The following POLR3A variants were observed in gnomAD, a reference collection of about 807,000 sequenced individuals.
POLR3A encodes the protein DNA-directed RNA polymerase III subunit RPC1.
POLR3A carries 112 observed loss-of-function variants against 152.8 expected under a neutral mutation model. That is an observed-to-expected ratio of 0.73 (90% CI 0.63 to 0.86). The LOEUF is 0.86. Among genes scored for constraint, POLR3A ranks in the 40% least tolerant of loss-of-function variants. POLR3A has a pLI of 0.00. For synonymous variants in POLR3A, 615 were observed against 652.1 expected (o/e 0.94, Z 0.87); for missense variants, 1,385 against 1,743.1 (o/e 0.79, Z 3.66).
chr10:77,977,607 G>A lies in POLR3A; in HGVS notation c.4044C>T (p.Ile1348=), dbSNP rs1218624488. The change falls in exon 31 of 31, where the codon ATC becomes ATT. Residue 1348 remains isoleucine (I), a synonymous_variant. Transcript: ENST00000372371. ...DSVCGVSECI[I]MGIPMNIGTG... ...TTCCAATGTTCATTGGGATTCCCAT[G>A]ATGATGCACTCAGACACCCCTGAAA... 3.1e-6 allele frequency: 5 copies of A among 1,613,770 alleles called. No homozygotes were observed. The South Asian group carries it at 4.4e-5, about 14-fold the overall frequency.
In POLR3A at chr10:77,985,994, A is replaced by G. The variant is rs1441942428; in HGVS notation, c.2989-9T>C. ...TGGTACAGCACACGGGGCTGGGAGAATACAAGCCAAGCACAGAGTTAGGGC... is the reference window on the plus strand; with the variant it reads ...TGGTACAGCACACGGGGCTGGGAGAGTACAAGCCAAGCACAGAGTTAGGGC... On this transcript the variant is annotated splice_polypyrimidine_tract_variant and intron_variant, in intron 22 of 30. Coordinates refer to ENST00000372371, the MANE Select transcript of POLR3A (RefSeq NM_007055.4). 6.2e-7 allele frequency: 1 copy of G among 1,613,408 alleles called. No homozygotes were observed. Among genetic ancestry groups the G allele is most frequent in the Non-Finnish European group, 8.5e-7 (1 of 1,179,440 alleles).
In POLR3A at chr10:77,982,849, T is replaced by C. The variant is rs1847161332; in HGVS notation, c.3430-32A>G. 2.5e-6 allele frequency: 4 copies of C among 1,608,070 alleles called. No individual in the cohort carries two copies. The East Asian group carries it at 8.9e-5, about 36-fold the overall frequency. On this transcript the variant is annotated intron_variant, in intron 26 of 30. Coordinates refer to ENST00000372371, the MANE Select transcript of POLR3A (RefSeq NM_007055.4). ...CATGGCCAGGTGTAGGTGTTACTGA[T>C]TCCAGTGTTGTTCTTCGTTTATTTC...
At chr10:78,020,388 G>C (rs1222320828) in intron 8 of POLR3A, among the ~76,000 whole-genome samples, 2 of 151,970 alleles carry the variant, frequency 1.3e-5, no homozygotes, top group African/African-American at 4.8e-5. Flanking sequence ...TACTCGGGAG[G>C]CTGAGGCATA....
Position 77,982,165 on chromosome 10 carries a change from T to C in POLR3A, c.3748A>G (p.Asn1250Asp). ...GGGCTGAGTGGTACCTCATAGGTGT[T>C]ATTGGAGGTGGTTCGGGTGCCCTTC... ...GVKGTRTTSN[N>D]TYEVEKTLGI... is the part of the protein sequence containing the mutation. The change falls in exon 28 of 31, where the codon AAC becomes GAC. Residue 1250 changes from asparagine (N) to aspartate (D), a missense_variant. Physicochemically the swap from Asn to Asp is conservative, Grantham distance 23. Transcript: ENST00000372371. The C allele has an allele frequency of 6.2e-7, 1 of 1,613,684 alleles. No homozygotes were observed. The highest frequency in any genetic ancestry group is 2.2e-5 in the East Asian group (1 of 44,868).
intron 1 of POLR3A, 89 bp from the exon 2 acceptor site, chr10:78,026,318 C>T: frequency 1.5e-6 from 2 of 1,331,874 alleles, no homozygotes; most frequent in Admixed American, 1.8e-5. Flanking sequence ...ACCAACCTAT[C>T]CTTCCAACTG....
At chr10:78,006,634 G>T (rs1847414949) in intron 15 of POLR3A, among the ~76,000 whole-genome samples, 1 of 151,816 alleles carries the variant, frequency 6.6e-6, no homozygotes, top group Non-Finnish European at 1.5e-5. Flanking sequence ...AAAGAACAGA[G>T]AAAGTAAAAG....
Position 77,985,665 on chromosome 10 carries a change from C to T in POLR3A, c.3071+238G>A, listed in dbSNP as rs537389975. On this transcript the variant is annotated intron_variant, in intron 23 of 30. Transcript: ENST00000372371. ...ACAGAGCAGTGGCATCTGCCATATT[C>T]GTTAGCAGTTTCCCCATGGGGAGAA... Among the ~76,000 whole-genome samples, 254 of 152,342 alleles carry T rather than the reference C, an allele frequency of 1.7e-3. 1 individual carries two copies. Among genetic ancestry groups the T allele is most frequent in the African/African-American group, 5.6e-3 (234 of 41,592 alleles).
chr10:77,991,472 A>T (rs1422442484), intron 20 of POLR3A, among the ~76,000 whole-genome samples: 1 of 152,180 alleles, frequency 6.6e-6, no homozygotes, highest in Non-Finnish European at 1.5e-5. Flanking sequence ...CTGTTATTTA[A>T]AAAACTCAAA....
chr10:77,985,158 G>C lies in POLR3A; in HGVS notation c.3242+12C>G. On this transcript the variant is annotated intron_variant, in intron 24 of 30. Coordinates refer to ENST00000372371, the MANE Select transcript of POLR3A (RefSeq NM_007055.4). ...GGCATGTGTGGAACAAGAAGGAAAT[G>C]AAAGCAGGCACCTGATGGCCTTGGA... is the stretch of plus-strand genomic sequence containing the variant. The C allele has an allele frequency of 6.2e-7, 1 of 1,610,614 alleles. No homozygotes were observed. Among genetic ancestry groups the C allele is most frequent in the Non-Finnish European group, 8.5e-7 (1 of 1,176,710 alleles).
chr10:78,021,201 G>A (rs375282823), intron 8 of POLR3A, among the ~76,000 whole-genome samples: 4 of 152,124 alleles, frequency 2.6e-5, no homozygotes, highest in East Asian at 3.9e-4. Context: ...TCCCGGGCTC[G>A]GATGATCCAC....
rs1419710623 is a variant in POLR3A at position 78,017,730 on chromosome 10, A to C, written c.1290-14T>G. 1 of 1,614,014 alleles carries C rather than the reference A, an allele frequency of 6.2e-7. No homozygotes were observed. The highest frequency in any genetic ancestry group is 2.2e-5 in the East Asian group (1 of 44,878). On this transcript the variant is annotated splice_polypyrimidine_tract_variant and intron_variant, in intron 9 of 30. Transcript: ENST00000372371. Reference sequence around the variant, plus strand: ...TATTTCAAAAACCTGAATGTGCAACAATAAACATGATCTGTGAAAGCAAAG... The same window carrying C: ...TATTTCAAAAACCTGAATGTGCAACCATAAACATGATCTGTGAAAGCAAAG...
chr10:78,029,343 G>A (rs1847668270), intron 1 of POLR3A, 21 bp downstream of exon 1: 1 of 1,613,546 alleles, frequency 6.2e-7, no homozygotes, highest in African/African-American at 1.3e-5. Context: ...CAGCCCTTTG[G>A]CCACTCTTAC....
chr10:78,024,066 G>C (rs1847606073), intron 5 of POLR3A, among the ~76,000 whole-genome samples: 1 of 151,992 alleles, frequency 6.6e-6, no homozygotes, highest in African/African-American at 2.4e-5. Context: ...GGTCAAATAA[G>C]AATTACTGGA....
rs777603025 is a variant in POLR3A at position 78,025,082 on chromosome 10, C to T, written c.379G>A (p.Asp127Asn). ...LSQEEKKQFL[D>N]YLKRPGLTYL... ...GTCAGGCCGGGCCTCTTTAGATAGT[C>T]CAGAAACTGCTTCTTCTCCTCTTGG... The change falls in exon 4 of 31, where the codon GAC becomes AAC. Residue 127 changes from aspartate to asparagine, a missense_variant. Around this residue, in one of 7 missense-constraint regions of POLR3A, gnomAD observed 493 missense variants for 647.5 expected, o/e 0.76. Coordinates refer to ENST00000372371, the MANE Select transcript of POLR3A (RefSeq NM_007055.4). The T allele has an allele frequency of 3.3e-5, 54 of 1,614,052 alleles. No homozygotes were observed. The highest frequency in any genetic ancestry group is 4.4e-5 in the Non-Finnish European group (52 of 1,180,032).
At chr10:78,004,543 G>A (rs1316456998) in intron 16 of POLR3A, among the ~76,000 whole-genome samples, 173 bp downstream of exon 16, 1 of 152,126 alleles carries the variant, frequency 6.6e-6, no homozygotes, top group East Asian at 1.9e-4. Context: ...GGCCCCAACA[G>A]GACAGACGAG....
chr10:77,982,038 CAAAAAAAA>C (rs553149963), intron 28 of POLR3A, 108 bp downstream of exon 28: 97 of 277,006 alleles, frequency 3.5e-4, no homozygotes, highest in East Asian at 3.0e-3. Context: ...GACTCCATCT[CAAAAAAAA>C]AAAAAAAAAA....
intron 15 of POLR3A, 104 bp downstream of exon 15, chr10:78,007,598 A>T: frequency 2.2e-6 from 2 of 909,166 alleles, no homozygotes; most frequent in South Asian, 2.7e-5. Context: ...CTGTATGTAT[A>T]TGTGTGGTGG....
chr10:77,982,229 T>C lies in POLR3A; in HGVS notation c.3684A>G (p.Glu1228=), dbSNP rs941295640. ...CCATGACTGCCCGCAGGTTATCACC[T>C]TCCACCAGAAGCTTGTACTTCTCCT... ...SGKEKYKLLV[E]GDNLRAVMAT... Residue 1228 remains glutamate (E), a synonymous_variant, in exon 28 of 31, where the codon GAA becomes GAG. Transcript: ENST00000372371. 6.2e-7 allele frequency: 1 copy of C among 1,613,846 alleles called. No homozygotes were observed. The highest frequency in any genetic ancestry group is 8.5e-7 in the Non-Finnish European group (1 of 1,179,990).
At chr10:78,022,803 T>TG (rs963966644) in intron 5 of POLR3A, among the ~76,000 whole-genome samples, 3 of 151,870 alleles carry the variant, frequency 2.0e-5, no homozygotes, top group Admixed American at 2.0e-4. Context: ...AGCAAGCCAT[T>TG]GGGGGGAAAA....
Sources: allele counts gnomAD v4.1 joint callset (sites outside exome capture counted in the v4.1 genomes callset), GRCh38; gene constraint gnomAD v4.1.1; regional missense constraint gnomAD v4.1.1; transcripts MANE v1.5; gene names NCBI Gene and HGNC (gene_info 2026-07-23, HGNC 2026-07-21).